PKIB: variants seen among roughly 807,000 people sequenced by gnomAD.
PKIB encodes PKI-beta.
In PKIB, 2 loss-of-function variants were observed where a neutral mutation model predicts 4.5. That is an observed-to-expected ratio of 0.44 (90% CI 0.18 to 1.39). The LOEUF is 1.39. Ranked by LOEUF, PKIB falls within the 40% of genes most tolerant of loss-of-function variation. The pLI is 0.27. For synonymous variants in PKIB, 38 were observed against 36.0 expected (o/e 1.06, Z -0.20); for missense variants, 94 against 92.6 (o/e 1.02, Z -0.06).
intron 3 of PKIB, among the ~76,000 whole-genome samples, chr6:122,700,882 T>A (rs1208436658): frequency 1.3e-5 from 2 of 152,128 alleles, no homozygotes; most frequent in African/African-American, 4.8e-5. Context: ...CCATATCCAG[T>A]AAAGTCATTA....
At chr6:122,529,942 T>C (rs1256467740) in intron 2 of PKIB, among the ~76,000 whole-genome samples, 1 of 152,124 alleles carries the variant, frequency 6.6e-6, no homozygotes, top group Non-Finnish European at 1.5e-5. Context: ...GTTGGAGTTT[T>C]TTCAGCTTCT....
At chr6:122,721,193 C>T (rs1334327934) in intron 4 of PKIB, among the ~76,000 whole-genome samples, 2 of 152,114 alleles carry the variant, frequency 1.3e-5, no homozygotes, top group Non-Finnish European at 2.9e-5. Context: ...CCATAACTAA[C>T]CCCAAACAGG....
chr6:122,678,788 G>T (rs1212813170), intron 3 of PKIB, among the ~76,000 whole-genome samples: 5 of 152,190 alleles, frequency 3.3e-5, no homozygotes, highest in African/African-American at 1.2e-4. Flanking sequence ...AGTCAAAGAA[G>T]TCTTTGGAGA....
rs1219908403 is a variant in PKIB, at chr6:122,670,502, TTG to T, written c.-75-4574_-75-4573del. Among the ~76,000 whole-genome samples, 11 of 49,646 alleles carry T rather than the reference TTG, an allele frequency of 2.2e-4. No homozygotes were observed. In the Admixed American group the frequency reaches 2.7e-3, roughly 12 times the overall value. The allele number at this position is 49,646 out of a possible 152,430, so 32.6% of individuals were successfully genotyped here. On this transcript the variant is annotated intron_variant, in intron 2 of 4. Transcript: ENST00000368452. ...TCTTATAAGGAATCACATGTTTTTG[TTG>T]TTGTTGTTGTTGTTGTTGTTGTTAA...
chr6:122,663,545 G>C (rs1284299129), intron 2 of PKIB, among the ~76,000 whole-genome samples: 3 of 152,170 alleles, frequency 2.0e-5, no homozygotes, highest in African/African-American at 7.2e-5. Context: ...CCAGGGCCAT[G>C]CTCCCTCTGA....
At chr6:122,662,928 G>A (rs1777067994) in intron 2 of PKIB, among the ~76,000 whole-genome samples, 1 of 152,154 alleles carries the variant, frequency 6.6e-6, no homozygotes, top group South Asian at 2.1e-4. Context: ...AATTATGTAG[G>A]TTTAGTTTAG....
chr6:122,511,574 C>T (rs1358110010), intron 2 of PKIB, among the ~76,000 whole-genome samples: 3 of 152,086 alleles, frequency 2.0e-5, no homozygotes, highest in South Asian at 4.1e-4. Flanking sequence ...ATAGGGTACC[C>T]GAACTCTAGT....
intron 2 of PKIB, among the ~76,000 whole-genome samples, chr6:122,669,456 T>C (rs9482265): frequency 0.29 from 43,665 of 152,010 alleles, 6,924 homozygotes; most frequent in Middle Eastern, 0.35. Flanking sequence ...TGTAGGATAA[T>C]AACATTCTTT....
intron 1 of PKIB, among the ~76,000 whole-genome samples, chr6:122,629,904 T>C (rs1183679398): frequency 1.3e-5 from 2 of 152,176 alleles, no homozygotes; most frequent in African/African-American, 4.8e-5. Context: ...GTATCCTAAA[T>C]GACACTCTGA....
At chr6:122,698,472 T>G (rs1412192070) in intron 3 of PKIB, among the ~76,000 whole-genome samples, 1 of 152,176 alleles carries the variant, frequency 6.6e-6, no homozygotes, top group Non-Finnish European at 1.5e-5. Context: ...TCAAAGTCTG[T>G]GAGACCCTCT....
At chr6:122,531,070 T>C (rs1316628673) in intron 2 of PKIB, 2 of 152,198 alleles carry the variant, frequency 1.3e-5, no homozygotes, top group African/African-American at 4.8e-5. Context: ...CTTGCTGAAA[T>C]GACCTTAAGA....
chr6:122,507,718 TG>T (rs1195552599), intron 2 of PKIB, among the ~76,000 whole-genome samples: 1 of 152,014 alleles, frequency 6.6e-6, no homozygotes, highest in African/African-American at 2.4e-5. Flanking sequence ...TAAGATGTTT[TG>T]TAGGTACCCA....
chr6:122,488,689 A>G lies in PKIB; in HGVS notation c.-248+10750A>G, dbSNP rs368585202. Among the ~76,000 whole-genome samples the G allele has an allele frequency of 1.7e-3, 266 of 152,106 alleles. 1 individual carries two copies. The highest frequency in any genetic ancestry group is 6.1e-3 in the African/African-American group (252 of 41,492). The stretch of plus-strand genomic sequence containing the variant: ...ATATTATTCTTTCATTTCTCCAAGG[A>G]GCTCTTGTTCTACGTTAGAGAAGAA... On this transcript the variant is annotated intron_variant, in intron 2 of 6. Coordinates refer to the PKIB transcript ENST00000392491.
chr6:122,646,273 T>C (rs34825087), intron 2 of PKIB, among the ~76,000 whole-genome samples: 7,578 of 152,270 alleles, frequency 0.05, 207 homozygotes, highest in Middle Eastern at 0.095. Context: ...GCTTTTTCCC[T>C]GACAGTCATT....
At chr6:122,504,071 AT>A (rs1241705446) in intron 2 of PKIB, among the ~76,000 whole-genome samples, 2 of 152,002 alleles carry the variant, frequency 1.3e-5, no homozygotes, top group Non-Finnish European at 2.9e-5. Flanking sequence ...ATTCATATGC[AT>A]TTTTTTCATT....
intron 2 of PKIB, among the ~76,000 whole-genome samples, chr6:122,495,163 G>A (rs1275632909): frequency 6.6e-6 from 1 of 152,060 alleles, no homozygotes; most frequent in African/African-American, 2.4e-5. Context: ...TCATTCTTCT[G>A]AGCCAAAACT....
At chr6:122,574,561 G>C (rs533740936) in intron 2 of PKIB, among the ~76,000 whole-genome samples, 1 of 152,032 alleles carries the variant, frequency 6.6e-6, no homozygotes, top group Non-Finnish European at 1.5e-5. Flanking sequence ...ATAAAAATAG[G>C]CATATAGACC....
intron 2 of PKIB, among the ~76,000 whole-genome samples, chr6:122,563,190 G>T (rs554992192): frequency 3.0e-4 from 46 of 152,148 alleles, no homozygotes; most frequent in Non-Finnish European, 6.5e-4. Flanking sequence ...TTTTCCTGTG[G>T]ATGTGGCTTC....
chr6:122,585,586 T>C (rs928244475), intron 2 of PKIB: 2 of 152,140 alleles, frequency 1.3e-5, no homozygotes, highest in African/African-American at 4.8e-5. Flanking sequence ...TTTTGGTCTT[T>C]AATAAGATTA....
Sources: gnomAD v4.1 joint callset for allele counts (sites outside exome capture counted in the v4.1 genomes callset) on GRCh38, gnomAD v4.1.1 for gene constraint, MANE v1.5 for transcripts, NCBI Gene and HGNC (gene_info 2026-07-23, HGNC 2026-07-21) for gene names.